The following DCC variants were observed in gnomAD, a reference collection of about 807,000 sequenced individuals.
DCC encodes the protein DCC netrin 1 receptor.
Under a neutral mutation model 172.5 loss-of-function variants are expected in DCC, and 58 were observed. That is an observed-to-expected ratio of 0.34 (90% CI 0.27 to 0.42). The LOEUF is 0.42. Ranked by LOEUF, DCC falls within the 10% of genes least tolerant of loss-of-function variation. DCC has a pLI of 1.00. For synonymous variants in DCC, 709 were observed against 644.5 expected, an observed-to-expected ratio of 1.10 and a Z score of -1.52; for missense variants, 1,740 against 1,791.0, an observed-to-expected ratio of 0.97 and a Z score of 0.51.
intron 12 of DCC, among the ~76,000 whole-genome samples, chr18:53,260,233 T>C (rs887501058): frequency 6.6e-6 from 1 of 152,188 alleles, no homozygotes; most frequent in Non-Finnish European, 1.5e-5. Flanking sequence ...CAGCTTTGTT[T>C]GGTTGCTGGT....
chr18:52,498,905 C>A (rs542221183), intron 1 of DCC, among the ~76,000 whole-genome samples: 15 of 152,194 alleles, frequency 9.9e-5, no homozygotes, highest in African/African-American at 1.4e-4. Flanking sequence ...TATGTAAGGA[C>A]CTTATCTCCT....
chr18:53,206,197 TATATA>T (rs1456487267), intron 10 of DCC, among the ~76,000 whole-genome samples: 16 of 3,788 alleles, frequency 4.2e-3, no homozygotes, highest in African/African-American at 0.017. Flanking sequence ...TACGTATACA[TATATA>T]ATACATATAC....
At chr18:53,282,813 G>A (rs1369479234) in intron 12 of DCC, among the ~76,000 whole-genome samples, 2 of 152,100 alleles carry the variant, frequency 1.3e-5, no homozygotes, top group Non-Finnish European at 1.5e-5. Context: ...TGTGCAGGGA[G>A]TGAAAAAGAC....
At chr18:52,941,920 T>C (rs997411024) in intron 5 of DCC, among the ~76,000 whole-genome samples, 12 of 152,060 alleles carry the variant, frequency 7.9e-5, no homozygotes, top group African/African-American at 1.2e-4. Flanking sequence ...GTAGCTTGGA[T>C]TACAGGCACC....
At position 52,447,992 on chromosome 18, in the gene DCC, G is replaced by A. The variant is rs1254244676; in HGVS notation, c.91+107114G>A. On this transcript the variant is annotated intron_variant, in intron 1 of 28. Coordinates refer to ENST00000442544, the MANE Select transcript of DCC (RefSeq NM_005215.4). ...AACCAAGCCATATCAGGAGAGTATTGGAGTCTGGAGAATGGTGAGATATTC... is the reference window on the plus strand; with the variant it reads ...AACCAAGCCATATCAGGAGAGTATTAGAGTCTGGAGAATGGTGAGATATTC... Among the ~76,000 whole-genome samples the A allele has an allele frequency of 2.0e-5, 3 of 152,124 alleles. No homozygotes were observed. In the South Asian group the frequency reaches 6.2e-4, roughly 32 times the overall value.
intron 28 of DCC, among the ~76,000 whole-genome samples, chr18:53,528,269 A>G (rs925761175): frequency 6.6e-6 from 1 of 152,150 alleles, no homozygotes; most frequent in Non-Finnish European, 1.5e-5. Context: ...GAGATCAGGG[A>G]AGCTGAGTAT....
chr18:53,255,903 T>C (rs1227339839), intron 12 of DCC, among the ~76,000 whole-genome samples: 1 of 152,162 alleles, frequency 6.6e-6, no homozygotes, highest in East Asian at 1.9e-4. Context: ...ATGATCACCA[T>C]TCTAACTGGT....
chr18:52,963,658 GA>G (rs369511938), intron 5 of DCC, among the ~76,000 whole-genome samples: 5 of 152,026 alleles, frequency 3.3e-5, no homozygotes, highest in Non-Finnish European at 7.4e-5. Context: ...AATGCACAGG[GA>G]AAAATACCTT....
At chr18:52,489,671 A>T (rs1416674339) in intron 1 of DCC, among the ~76,000 whole-genome samples, 2 of 152,040 alleles carry the variant, frequency 1.3e-5, no homozygotes, top group Non-Finnish European at 2.9e-5. Flanking sequence ...AAGTCCCCAC[A>T]TTGTTTAAAA....
At chr18:53,498,700 G>T (rs2046058001) in intron 26 of DCC, among the ~76,000 whole-genome samples, 1 of 152,168 alleles carries the variant, frequency 6.6e-6, no homozygotes, top group Admixed American at 6.5e-5. Flanking sequence ...AGGAAAAATT[G>T]CAATTCCGCA....
chr18:52,816,397 C>G, intron 2 of DCC, among the ~76,000 whole-genome samples: 1 of 152,216 alleles, frequency 6.6e-6, no homozygotes, highest in East Asian at 1.9e-4. Context: ...GTGAATGTTC[C>G]CGGCAAGAAA....
chr18:53,168,635 G>T (rs984954803), intron 8 of DCC, among the ~76,000 whole-genome samples: 3 of 151,600 alleles, frequency 2.0e-5, no homozygotes, highest in Admixed American at 2.0e-4. Context: ...CAGGTTGATG[G>T]GTGCAGCAAA....
At chr18:52,708,696 C>A (rs952901287) in intron 1 of DCC, among the ~76,000 whole-genome samples, 48 of 152,148 alleles carry the variant, frequency 3.2e-4, no homozygotes, top group African/African-American at 9.9e-4. Flanking sequence ...CTCACCAAAT[C>A]TGAGGCTTTG....
chr18:52,395,526 A>T (rs1470840906), intron 1 of DCC, among the ~76,000 whole-genome samples: 2 of 152,134 alleles, frequency 1.3e-5, no homozygotes, highest in African/African-American at 4.8e-5. Context: ...GAAACCAAAG[A>T]TACTCAGGCC....
chr18:52,797,549 T>A (rs1034446048), intron 2 of DCC, among the ~76,000 whole-genome samples: 2 of 152,206 alleles, frequency 1.3e-5, no homozygotes, highest in Non-Finnish European at 2.9e-5. Flanking sequence ...CCTAAGTGGC[T>A]TAGACTGCAA....
At chr18:53,283,440 T>C (rs1400670407) in intron 12 of DCC, among the ~76,000 whole-genome samples, 1 of 152,158 alleles carries the variant, frequency 6.6e-6, no homozygotes, top group Non-Finnish European at 1.5e-5. Flanking sequence ...AACATTAATA[T>C]AGGAAGGACA....
At chr18:52,885,728 G>A (rs991634165) in intron 2 of DCC, among the ~76,000 whole-genome samples, 1 of 152,018 alleles carries the variant, frequency 6.6e-6, no homozygotes, top group Non-Finnish European at 1.5e-5. Context: ...CAAACAGAAG[G>A]AGTCTTTCAT....
intron 5 of DCC, among the ~76,000 whole-genome samples, chr18:53,031,619 A>G (rs2143961910): frequency 6.6e-6 from 1 of 152,280 alleles, no homozygotes; most frequent in Admixed American, 6.5e-5. Flanking sequence ...AGGGAGATTA[A>G]TAGAACTAAA....
At chr18:52,519,311 T>C (rs549835509) in intron 1 of DCC, among the ~76,000 whole-genome samples, 1 of 152,308 alleles carries the variant, frequency 6.6e-6, no homozygotes, top group South Asian at 2.1e-4. Flanking sequence ...AAGTGGACTT[T>C]GTTAAGTGCA....
Sources: gnomAD v4.1 joint callset for allele counts (sites outside exome capture counted in the v4.1 genomes callset) on GRCh38, gnomAD v4.1.1 for gene constraint, MANE v1.5 for transcripts, NCBI Gene and HGNC (gene_info 2026-07-23, HGNC 2026-07-21) for gene names.